The following GLIS1 variants were observed in gnomAD, a reference collection of about 807,000 sequenced individuals.
GLIS1 encodes the protein zinc finger protein GLIS1.
GLIS1 carries 24 observed loss-of-function variants against 63.8 expected under a neutral mutation model. The observed-to-expected ratio is 0.38, with a 90% CI of 0.27 to 0.53. GLIS1 has a LOEUF of 0.53. GLIS1 is among the 20% of genes least tolerant of loss of function. GLIS1 has a pLI of 0.85. For missense variants in GLIS1, 1,036 were observed against 1,074.1 expected, an observed-to-expected ratio of 0.96 and a Z score of 0.50; for synonymous variants, 450 against 482.5, an observed-to-expected ratio of 0.93 and a Z score of 0.88.
chr1:53,692,229 C>T (rs1646413035), intron 2 of GLIS1, among the ~76,000 whole-genome samples: 1 of 152,170 alleles, frequency 6.6e-6, no homozygotes, highest in Non-Finnish European at 1.5e-5. Flanking sequence ...ACGAAGCACA[C>T]CACGTAATGA....
intron 2 of GLIS1, among the ~76,000 whole-genome samples, chr1:53,734,731 G>A (rs894338667): frequency 6.6e-6 from 1 of 152,214 alleles, no homozygotes; most frequent in Non-Finnish European, 1.5e-5. Context: ...GTAAAGCACC[G>A]TGCACAGAGA....
At chr1:53,626,354 CA>C (rs1252095298) in intron 2 of GLIS1, among the ~76,000 whole-genome samples, 2 of 152,190 alleles carry the variant, frequency 1.3e-5, no homozygotes, top group Non-Finnish European at 2.9e-5. Context: ...CGAGAGCCAG[CA>C]GCCTCAGCCT....
chr1:53,645,661 C>A (rs1487437064), intron 2 of GLIS1, among the ~76,000 whole-genome samples: 1 of 152,230 alleles, frequency 6.6e-6, no homozygotes, highest in African/African-American at 2.4e-5. Context: ...GCTATGCCAT[C>A]TGTGCTAAGT....
rs1428624584 is a variant in GLIS1 at position 53,520,780 on chromosome 1, A to C, written c.1594-14T>G. 6.3e-7 allele frequency: 1 copy of C among 1,598,724 alleles called. No individual in the cohort carries two copies. The highest frequency in any genetic ancestry group is 1.7e-5 in the Admixed American group (1 of 58,718). On this transcript the variant is annotated splice_polypyrimidine_tract_variant and intron_variant, in intron 6 of 10. Transcript: ENST00000628545. ...GCCCGCATGCAGCTGGGGAGCAAGC[A>C]GAGGGAAAGGAGGTGTTAGTGTGAG...
chr1:53,535,720 T>C (rs949205826), intron 4 of GLIS1, among the ~76,000 whole-genome samples: 1 of 152,098 alleles, frequency 6.6e-6, no homozygotes, highest in Admixed American at 6.5e-5. Flanking sequence ...CCTGGGTGAC[T>C]GCACAGGTGC....
intron 2 of GLIS1, among the ~76,000 whole-genome samples, chr1:53,612,014 G>T (rs1302700781): frequency 6.6e-6 from 1 of 151,188 alleles, no homozygotes; most frequent in African/African-American, 2.4e-5. Flanking sequence ...TTTAATTTTT[G>T]TAGATACCAT....
At chr1:53,732,778 A>G (rs2100577628) in intron 2 of GLIS1, among the ~76,000 whole-genome samples, 1 of 146,452 alleles carries the variant, frequency 6.8e-6, no homozygotes, top group East Asian at 2.0e-4. Context: ...CTAGGTCCAA[A>G]ATAATTGCAA....
At chr1:53,712,044 T>C (rs1424698472) in intron 2 of GLIS1, among the ~76,000 whole-genome samples, 1 of 152,176 alleles carries the variant, frequency 6.6e-6, no homozygotes, top group Non-Finnish European at 1.5e-5. Context: ...ACAATTTAAG[T>C]CCAATCTTCT....
chr1:53,522,986 C>CTTTTTCTTTTTTTTTTTTTTT (rs760283252), intron 6 of GLIS1, among the ~76,000 whole-genome samples: 1 of 43,690 alleles, frequency 2.3e-5, no homozygotes, highest in African/African-American at 4.4e-5. Context: ...TCTTTTCTTT[C>CTTTTTCTTTTTTTTTTTTTTT]TTTTTTTTTT....
At chr1:53,579,158 T>C (rs1645060576) in intron 4 of GLIS1, among the ~76,000 whole-genome samples, 1 of 152,254 alleles carries the variant, frequency 6.6e-6, no homozygotes, top group African/African-American at 2.4e-5. Context: ...TTTTAAATGT[T>C]TCTCATGGAG....
chr1:53,673,353 T>A (rs115067392), intron 2 of GLIS1, among the ~76,000 whole-genome samples: 1 of 152,156 alleles, frequency 6.6e-6, no homozygotes, highest in African/African-American at 2.4e-5. Flanking sequence ...AAAAACAAAA[T>A]ATACCCATGC....
At chr1:53,578,790 T>C (rs1027846764) in intron 4 of GLIS1, among the ~76,000 whole-genome samples, 1 of 152,154 alleles carries the variant, frequency 6.6e-6, no homozygotes, top group Non-Finnish European at 1.5e-5. Flanking sequence ...TGGAAAACAA[T>C]AACTCAATGA....
chr1:53,637,060 G>C (rs959825462), intron 2 of GLIS1, among the ~76,000 whole-genome samples: 10 of 152,102 alleles, frequency 6.6e-5, no homozygotes, highest in Admixed American at 3.3e-4. Context: ...CTCCTCAGTG[G>C]GGCCTTCCCA....
intron 4 of GLIS1, among the ~76,000 whole-genome samples, chr1:53,579,678 G>T (rs984842412): frequency 4.6e-5 from 7 of 152,234 alleles, no homozygotes; most frequent in African/African-American, 1.7e-4. Context: ...CCCCCAGTAC[G>T]CAAGCTGTGC....
Position 53,556,982 on chromosome 1 carries a change from A to ATG in GLIS1, c.1321-27032_1321-27031dup, listed in dbSNP as rs369511037. 3.5e-3 allele frequency among the ~76,000 whole-genome samples: 510 copies of ATG among 147,112 alleles called. 5 individuals carry two copies. Among genetic ancestry groups the ATG allele is most frequent in the African/African-American group, 0.01 (406 of 39,516 alleles). ...GCATACTGCAGGTGTGTGTGTGCAG[A>ATG]TGTGTGTGTTCGTGTGTACTACAGG... On this transcript the variant is annotated intron_variant, in intron 4 of 10. Coordinates refer to ENST00000628545, the MANE Select transcript of GLIS1 (RefSeq NM_001367484.1).
In GLIS1 at chr1:53,627,306, C is replaced by T. The variant is rs74087929; in HGVS notation, c.260-27028G>A. On this transcript the variant is annotated intron_variant, in intron 2 of 10. Coordinates refer to ENST00000628545, the MANE Select transcript of GLIS1 (RefSeq NM_001367484.1). ...GACAATTCATTTTCAGTAATTATCC[C>T]CCTCTCCTTTAAAGTCACCTAAGGC... 5.6e-3 allele frequency among the ~76,000 whole-genome samples: 855 copies of T among 152,272 alleles called. 11 individuals carry two copies. Among genetic ancestry groups the T allele is most frequent in the African/African-American group, 0.019 (800 of 41,550 alleles).
intron 2 of GLIS1, among the ~76,000 whole-genome samples, chr1:53,714,690 G>A (rs1342423475): frequency 6.6e-6 from 1 of 152,192 alleles, no homozygotes; most frequent in Non-Finnish European, 1.5e-5. Flanking sequence ...GCTGTGCCAG[G>A]CCCTGTACTG....
intron 2 of GLIS1, among the ~76,000 whole-genome samples, chr1:53,635,136 A>G (rs1350890593): frequency 1.3e-5 from 2 of 152,096 alleles, no homozygotes; most frequent in Non-Finnish European, 2.9e-5. Flanking sequence ...GAGAGGGGCA[A>G]AAATTGATGC....
At position 53,727,318 on chromosome 1, in the gene GLIS1, G is replaced by C. The variant is rs187406858; in HGVS notation, c.259+10488C>G. 7.9e-5 allele frequency among the ~76,000 whole-genome samples: 12 copies of C among 152,308 alleles called. No homozygotes were observed. The East Asian group carries it at 2.3e-3, about 29-fold the overall frequency. ...GGCCATGAGACCAATACATCCCCCA[G>C]GGGCTCTAAGCCTGTCCTGGAGTGG... On this transcript the variant is annotated intron_variant, in intron 2 of 10. Transcript: ENST00000628545.
Sources: allele counts gnomAD v4.1 joint callset (sites outside exome capture counted in the v4.1 genomes callset), GRCh38; gene constraint gnomAD v4.1.1; transcripts MANE v1.5; gene names NCBI Gene and HGNC (gene_info 2026-07-23, HGNC 2026-07-21).